The following SOWAHA variants were observed in gnomAD, a reference collection of about 807,000 sequenced individuals.
The protein encoded by SOWAHA is ankyrin repeat domain-containing protein SOWAHA.
Under a neutral mutation model 21.1 loss-of-function variants are expected in SOWAHA, and 17 were observed. The ratio of observed to expected loss-of-function variants is 0.80; its 90% CI spans 0.55 to 1.21. The LOEUF is 1.21. Ranked by LOEUF, SOWAHA falls within the 50% of genes most tolerant of loss-of-function variation. The pLI is 0.00. For synonymous variants in SOWAHA, 422 were observed against 397.1 expected, an observed-to-expected ratio of 1.06 and a Z score of -0.75; for missense variants, 862 against 816.0, an observed-to-expected ratio of 1.06 and a Z score of -0.69.
Position 132,813,634 on chromosome 5 carries a change from G to GCCGCCGCCA in SOWAHA, c.21_22insACCGCCGCC (p.Ala7_Ala8insThrAlaAla). The GCCGCCGCCA allele has an allele frequency of 7.3e-7, 1 of 1,365,922 alleles. No individual in the cohort carries two copies. The highest frequency in any genetic ancestry group is 9.4e-7 in the Non-Finnish European group (1 of 1,065,136). 84.6% of individuals were successfully genotyped at this position (1,365,922 alleles called of 1,614,324 possible). On this transcript the variant is annotated inframe_insertion, in exon 1 of 1. Coordinates refer to ENST00000378693, the MANE Select transcript of SOWAHA (RefSeq NM_175873.6). Reference sequence around the variant, plus strand: ...CCAGGGCCCCACCATGGCGCTGGCCGCCGCCGCCGCCGCTGCGGCTGCCGG... The same window carrying GCCGCCGCCA: ...CCAGGGCCCCACCATGGCGCTGGCCGCCGCCGCCACCGCCGCCGCCGCTGCGGCTGCCGG...
At position 132,813,508 on chromosome 5, in the gene SOWAHA, C is replaced by A; in HGVS notation, c.-114C>A. The A allele has an allele frequency of 1.5e-6, 1 of 684,226 alleles. No individual in the cohort carries two copies. Among genetic ancestry groups the A allele is most frequent in the Non-Finnish European group, 1.9e-6 (1 of 537,234 alleles). The allele number at this position is 684,226 out of a possible 1,614,324, so 42.4% of individuals were successfully genotyped here. A position where few individuals can be genotyped will look rare whatever the true frequency, so the allele number is the denominator to read the frequency against. ...CAGCTTCGGGGACACGCCCGGCTGG[C>A]CGCGGGGAAGGCACCAGGTGAGCGC... On this transcript the variant is annotated 5_prime_UTR_variant, in exon 1 of 1. Coordinates refer to ENST00000378693, the MANE Select transcript of SOWAHA (RefSeq NM_175873.6).
rs1364147686 is a variant in SOWAHA, at chr5:132,815,432, T to C, written c.*161T>C. 1.6e-6 allele frequency: 1 copy of C among 610,302 alleles called. No individual in the cohort carries two copies. Among genetic ancestry groups the C allele is most frequent in the Non-Finnish European group, 2.9e-6 (1 of 347,696 alleles). 37.8% of individuals were successfully genotyped at this position (610,302 alleles called of 1,614,324 possible). A position where few individuals can be genotyped will look rare whatever the true frequency, so the allele number is the denominator to read the frequency against. On this transcript the variant is annotated 3_prime_UTR_variant, in exon 1 of 1. Transcript: ENST00000378693. Reference sequence around the variant, plus strand: ...CAGATGGGCCTGCACCTCCAGCTTCTTTCTGAAGCATGACCCATCTCCAGA... The same window carrying C: ...CAGATGGGCCTGCACCTCCAGCTTCCTTCTGAAGCATGACCCATCTCCAGA...
chr5:132,813,922 C>T lies in SOWAHA; in HGVS notation c.301C>T (p.Gln101Ter). ...CTTCGGCCCCCCGGGGGCAGCGGCC[C>T]AGCCGTCGAAACCCACTTCGACGGT... The part of the protein sequence containing the change: ...APFGPPGAAA[Q>*]PSKPTSTVLP... Residue 101 changes from glutamine (Q) to a stop codon, truncating the protein, a stop_gained, in exon 1 of 1, where the codon CAG becomes TAG. Coordinates refer to ENST00000378693, the MANE Select transcript of SOWAHA (RefSeq NM_175873.6). LOFTEE classifies it high-confidence loss of function. 6.5e-7 allele frequency: 1 copy of T among 1,547,086 alleles called. No homozygotes were observed. Among genetic ancestry groups the T allele is most frequent in the Non-Finnish European group, 8.7e-7 (1 of 1,145,618 alleles).
At position 132,814,412 on chromosome 5, in the gene SOWAHA, C is replaced by G; in HGVS notation, c.791C>G (p.Ser264Cys). ...CTGAGGCGGCTCTCGGTGGAAGAGT[C>G]CGGTCTGGGCCTCGGCCTGGGCCCG... The part of the protein sequence containing the change: ...LLLRRLSVEE[S>C]GLGLGLGPGR... The change falls in exon 1 of 1, where the codon TCC (serine) becomes TGC (cysteine). Residue 264 changes from serine (S) to cysteine (C), a missense_variant. Coordinates refer to ENST00000378693, the MANE Select transcript of SOWAHA (RefSeq NM_175873.6). The G allele has an allele frequency of 6.7e-7, 1 of 1,485,400 alleles. No individual in the cohort carries two copies. The highest frequency in any genetic ancestry group is 2.9e-5 in the East Asian group (1 of 34,572). The allele number at this position is 1,485,400 out of a possible 1,614,324, so 92.0% of individuals were successfully genotyped here. A position where few individuals can be genotyped will look rare whatever the true frequency, so the allele number is the denominator to read the frequency against.
Position 132,814,840 on chromosome 5 carries a change from C to A in SOWAHA, c.1219C>A (p.Arg407Ser). 3 of 1,514,966 alleles carry A rather than the reference C, an allele frequency of 2.0e-6. No individual in the cohort carries two copies. Among genetic ancestry groups the A allele is most frequent in the Non-Finnish European group, 2.7e-6 (3 of 1,128,992 alleles). 93.8% of individuals were successfully genotyped at this position (1,514,966 alleles called of 1,614,324 possible). The change falls in exon 1 of 1, where the codon CGT becomes AGT. Residue 407 changes from arginine to serine, a missense_variant. Coordinates refer to ENST00000378693, the MANE Select transcript of SOWAHA (RefSeq NM_175873.6). ...GGACGCTGCCGTGCTGCTGGTGGTG[C>A]GTCTGGGTGCCCAGGTGCACGTGCG... ...HEDAAVLLVV[R>S]LGAQVHVRDH...
Position 132,814,072 on chromosome 5 carries a change from G to T in SOWAHA, c.451G>T (p.Glu151Ter). 1 of 1,577,918 alleles carries T rather than the reference G, an allele frequency of 6.3e-7. No individual in the cohort carries two copies. The change falls in exon 1 of 1, where the codon GAG becomes TAG. Residue 151 changes from glutamate to a stop codon, truncating the protein, a stop_gained. Transcript: ENST00000378693. LOFTEE classifies it high-confidence loss of function. ...PQDTPGGPAS[E>*]PAQPPGERSA... ...GGACACCCCGGGGGGGCCGGCCTCC[G>T]AGCCCGCTCAGCCGCCCGGGGAGCG...
In SOWAHA at chr5:132,813,836, A is replaced by T; in HGVS notation, c.215A>T (p.Asp72Val). The T allele has an allele frequency of 6.5e-7, 1 of 1,549,082 alleles. No homozygotes were observed. The highest frequency in any genetic ancestry group is 8.7e-7 in the Non-Finnish European group (1 of 1,146,274). Residue 72 changes from aspartate to valine, a missense_variant, in exon 1 of 1, where the codon GAC becomes GTC. Coordinates refer to ENST00000378693, the MANE Select transcript of SOWAHA (RefSeq NM_175873.6). ...AACGTGGCGGTGGTGAAGGAGCTCG[A>T]CGGCGTCAAGTTCGTGGTGCTGAGG... is the stretch of plus-strand genomic sequence containing the variant. ...VNNVAVVKELDGVKFVVLRKK... is the reference protein window; with the variant it reads ...VNNVAVVKELVGVKFVVLRKK...
At position 132,815,807 on chromosome 5, in the gene SOWAHA, A is replaced by T. The variant is rs1045101933; in HGVS notation, c.*536A>T. 6.0e-6 allele frequency: 1 copy of T among 166,850 alleles called. No individual in the cohort carries two copies. The highest frequency in any genetic ancestry group is 1.5e-5 in the Non-Finnish European group (1 of 68,122). The allele number at this position is 166,850 out of a possible 1,614,324, so 10.3% of individuals were successfully genotyped here. A position where few individuals can be genotyped will look rare whatever the true frequency, so the allele number is the denominator to read the frequency against. On this transcript the variant is annotated 3_prime_UTR_variant, in exon 1 of 1. Transcript: ENST00000378693. ...TTAGGCAAAGTGCTTAGACATTTTC[A>T]ATTTTTTTTTTGCTAAATACTTTGG... is the stretch of plus-strand genomic sequence containing the variant.
In SOWAHA at chr5:132,814,739, G is replaced by C. The variant is rs754502603; in HGVS notation, c.1118G>C (p.Gly373Ala). 15 of 1,525,318 alleles carry C rather than the reference G, an allele frequency of 9.8e-6. No homozygotes were observed. In the South Asian group the frequency reaches 1.8e-4, roughly 19 times the overall value. 94.5% of individuals were successfully genotyped at this position (1,525,318 alleles called of 1,614,324 possible). ...CTGGTGGAGGTCGCGCGGCGCAGTG[G>C]CGCACCAGTCGACGTGAACGCACGC... Reference protein sequence around the residue: ...LQLVEVARRSGAPVDVNARSH... With the variant: ...LQLVEVARRSAAPVDVNARSH... Residue 373 changes from glycine to alanine, a missense_variant, in exon 1 of 1, where the codon GGC becomes GCC. Physicochemically the swap from Gly to Ala is moderately conservative, Grantham distance 60 (BLOSUM62 0). Transcript: ENST00000378693.
At position 132,814,437 on chromosome 5, in the gene SOWAHA, G is replaced by A; in HGVS notation, c.816G>A (p.Pro272=). The A allele has an allele frequency of 1.4e-6, 2 of 1,471,298 alleles. No individual in the cohort carries two copies. The highest frequency in any genetic ancestry group is 1.8e-6 in the Non-Finnish European group (2 of 1,119,894). 91.1% of individuals were successfully genotyped at this position (1,471,298 alleles called of 1,614,324 possible). The change falls in exon 1 of 1, where the codon CCG becomes CCA. Residue 272 remains proline, a synonymous_variant. Transcript: ENST00000378693. Reference sequence around the variant, plus strand: ...CCGGTCTGGGCCTCGGCCTGGGCCCGGGCCGCTCCCCGCACCTGAGGCGCC... The same window carrying A: ...CCGGTCTGGGCCTCGGCCTGGGCCCAGGCCGCTCCCCGCACCTGAGGCGCC... ...EESGLGLGLG[P]GRSPHLRRLS... is the part of the protein sequence containing the mutation.
Position 132,814,500 on chromosome 5 carries a change from C to T in SOWAHA, c.879C>T (p.Ala293=), listed in dbSNP as rs562266890. 7.2e-7 allele frequency: 1 copy of T among 1,392,654 alleles called. No homozygotes were observed. Among genetic ancestry groups the T allele is most frequent in the Non-Finnish European group, 9.2e-7 (1 of 1,083,152 alleles). The allele number at this position is 1,392,654 out of a possible 1,614,324, so 86.3% of individuals were successfully genotyped here. A position where few individuals can be genotyped will look rare whatever the true frequency, so the allele number is the denominator to read the frequency against. ...GCCCGCGTCTGCTGAGCCCTGACGC[C>T]GAGGAGTTGCCCGCCGCGCCGCCGC... ...RAGPRLLSPD[A]EELPAAPPPS... The change falls in exon 1 of 1, where the codon GCC becomes GCT. Residue 293 remains alanine (A), a synonymous_variant. Coordinates refer to ENST00000378693, the MANE Select transcript of SOWAHA (RefSeq NM_175873.6).
chr5:132,814,666 G>A lies in SOWAHA; in HGVS notation c.1045G>A (p.Ala349Thr). The A allele has an allele frequency of 2.0e-6, 3 of 1,524,780 alleles. No individual in the cohort carries two copies. In the South Asian group the frequency reaches 3.6e-5, roughly 18 times the overall value. The allele number at this position is 1,524,780 out of a possible 1,614,324, so 94.5% of individuals were successfully genotyped here. ...AKRDFMSGFT[A>T]LHWAAKSGDG... ...GCGCGACTTCATGTCTGGCTTCACG[G>A]CCCTGCATTGGGCCGCCAAGAGCGG... Residue 349 changes from alanine to threonine, a missense_variant, in exon 1 of 1, where the codon GCC (alanine) becomes ACC (threonine). Physicochemically the swap from Ala to Thr is moderately conservative, Grantham distance 58. Coordinates refer to ENST00000378693, the MANE Select transcript of SOWAHA (RefSeq NM_175873.6).
At position 132,814,343 on chromosome 5, in the gene SOWAHA, G is replaced by T; in HGVS notation, c.722G>T (p.Arg241Leu). 1 of 1,484,308 alleles carries T rather than the reference G, an allele frequency of 6.7e-7. No homozygotes were observed. The highest frequency in any genetic ancestry group is 8.9e-7 in the Non-Finnish European group (1 of 1,126,818). The allele number at this position is 1,484,308 out of a possible 1,614,324, so 91.9% of individuals were successfully genotyped here. A position where few individuals can be genotyped will look rare whatever the true frequency, so the allele number is the denominator to read the frequency against. The change falls in exon 1 of 1, where the codon CGG (arginine) becomes CTG (leucine). Residue 241 changes from arginine (R) to leucine (L), a missense_variant. Transcript: ENST00000378693. ...RLRAEEPGLR[R>L]QLSEEPSPRS... is the part of the protein sequence containing the mutation. ...CGGGCGGAGGAGCCCGGCCTGCGCCGGCAGCTGTCGGAGGAGCCGAGCCCG... is the reference window on the plus strand; with the variant it reads ...CGGGCGGAGGAGCCCGGCCTGCGCCTGCAGCTGTCGGAGGAGCCGAGCCCG...
rs527880489 is a variant in SOWAHA at position 132,814,506 on chromosome 5, G to C, written c.885G>C (p.Glu295Asp). Residue 295 changes from glutamate (E) to aspartate (D), a missense_variant, in exon 1 of 1, where the codon GAG becomes GAC. Physicochemically the swap from Glu to Asp is conservative, Grantham distance 45. Coordinates refer to ENST00000378693, the MANE Select transcript of SOWAHA (RefSeq NM_175873.6). Reference sequence around the variant, plus strand: ...GTCTGCTGAGCCCTGACGCCGAGGAGTTGCCCGCCGCGCCGCCGCCGTCCG... The same window carrying C: ...GTCTGCTGAGCCCTGACGCCGAGGACTTGCCCGCCGCGCCGCCGCCGTCCG... ...GPRLLSPDAE[E>D]LPAAPPPSAV... 281 of 1,378,694 alleles carry C rather than the reference G, an allele frequency of 2.0e-4. 1 individual carries two copies. In the African/African-American group the frequency reaches 4.0e-3, roughly 20 times the overall value. The allele number at this position is 1,378,694 out of a possible 1,614,324, so 85.4% of individuals were successfully genotyped here.
rs956545081 is a variant in SOWAHA at position 132,815,500 on chromosome 5, C to T, written c.*229C>T. On this transcript the variant is annotated 3_prime_UTR_variant, in exon 1 of 1. Transcript: ENST00000378693. ...CAGTGAGAGCTTCCTATAAAGAACT[C>T]CAGGAGACAGGCCTGAACTCTAGAG... is the stretch of plus-strand genomic sequence containing the variant. 30 of 479,628 alleles carry T rather than the reference C, an allele frequency of 6.3e-5. No homozygotes were observed. Among genetic ancestry groups the T allele is most frequent in the Middle Eastern group, 5.7e-4 (1 of 1,744 alleles). The allele number at this position is 479,628 out of a possible 1,614,324, so 29.7% of individuals were successfully genotyped here. A position where few individuals can be genotyped will look rare whatever the true frequency, so the allele number is the denominator to read the frequency against.
chr5:132,816,221 C>A lies in SOWAHA; in HGVS notation c.*950C>A, dbSNP rs1316520558. Reference sequence around the variant, plus strand: ...GTGCCATGTTTCTGAATCTGGTTTTCAAATCCAGTGGAGCCTTTCAGTGAA... The same window carrying A: ...GTGCCATGTTTCTGAATCTGGTTTTAAAATCCAGTGGAGCCTTTCAGTGAA... On this transcript the variant is annotated 3_prime_UTR_variant, in exon 1 of 1. Transcript: ENST00000378693. 6.0e-6 allele frequency: 1 copy of A among 166,994 alleles called. No individual in the cohort carries two copies. Among genetic ancestry groups the A allele is most frequent in the Admixed American group, 6.5e-5 (1 of 15,280 alleles). The allele number at this position is 166,994 out of a possible 1,614,324, so 10.3% of individuals were successfully genotyped here. A position where few individuals can be genotyped will look rare whatever the true frequency, so the allele number is the denominator to read the frequency against.
Position 132,814,900 on chromosome 5 carries a change from CG to C in SOWAHA, c.1281del (p.Gly429AlafsTer68). 6.5e-7 allele frequency: 1 copy of C among 1,542,176 alleles called. No homozygotes were observed. The highest frequency in any genetic ancestry group is 8.7e-7 in the Non-Finnish European group (1 of 1,143,766). ...CGGGCGTCGCGCCTACCAGTACCTG[CG>C]GCCCGGCTCCTCGTACGCGCTGCGC... ...HSGRRAYQYL[R>X]PGSSYALRRL... On this transcript the variant is annotated frameshift_variant, in exon 1 of 1. Transcript: ENST00000378693. LOFTEE classifies it high-confidence loss of function.
rs372204434 is a variant in SOWAHA at position 132,814,976 on chromosome 5, C to A, written c.1355C>A (p.Thr452Asn). ...GLRGTTEPDATGGGSGSLAAR... is the reference protein window; with the variant it reads ...GLRGTTEPDANGGGSGSLAAR... ...CGAGGCACCACGGAGCCAGATGCGA[C>A]CGGTGGTGGAAGTGGCAGTCTTGCT... Residue 452 changes from threonine to asparagine, a missense_variant, in exon 1 of 1, where the codon ACC (threonine) becomes AAC (asparagine). Thr to Asn is a moderately conservative substitution (Grantham distance 65). Transcript: ENST00000378693. The A allele has an allele frequency of 2.3e-5, 37 of 1,590,270 alleles. No individual in the cohort carries two copies. Among genetic ancestry groups the A allele is most frequent in the Admixed American group, 7.1e-5 (4 of 56,642 alleles).
rs907667125 is a variant in SOWAHA, at chr5:132,814,249, G to C, written c.628G>C (p.Gly210Arg). 3.9e-6 allele frequency: 6 copies of C among 1,533,166 alleles called. No homozygotes were observed. The highest frequency in any genetic ancestry group is 4.4e-6 in the Non-Finnish European group (5 of 1,147,584). The allele number at this position is 1,533,166 out of a possible 1,614,324, so 95.0% of individuals were successfully genotyped here. The stretch of plus-strand genomic sequence containing the variant: ...GGAGCCCGGGCCCGGGGCAGCGAAA[G>C]GGCCGCCGCAGCAGAAGCCCTGTAT... ...DAEPGPGAAK[G>R]PPQQKPCMLP... Residue 210 changes from glycine (G) to arginine (R), a missense_variant, in exon 1 of 1, where the codon GGG becomes CGG. Gly to Arg is a moderately radical substitution (Grantham distance 125). Coordinates refer to ENST00000378693, the MANE Select transcript of SOWAHA (RefSeq NM_175873.6).
Sources: allele counts gnomAD v4.1 joint callset, GRCh38; gene constraint gnomAD v4.1.1; transcripts MANE v1.5; gene names NCBI Gene and HGNC (gene_info 2026-07-23, HGNC 2026-07-21).